ACTG2: variants seen among roughly 807,000 people sequenced by gnomAD.
The protein encoded by ACTG2 is actin, gamma-enteric smooth muscle.
ACTG2 carries 16 observed loss-of-function variants against 37.6 expected under a neutral mutation model. That is an observed-to-expected ratio of 0.43 (90% CI 0.29 to 0.65). The LOEUF is 0.65. Ranked by LOEUF, ACTG2 falls within the 30% of genes least tolerant of loss-of-function variation. ACTG2 has a pLI of 0.18. For missense variants in ACTG2, 238 were observed against 490.9 expected (o/e 0.48, Z 4.87); for synonymous variants, 181 against 179.9 (o/e 1.01, Z -0.05).
intron 1 of ACTG2, among the ~76,000 whole-genome samples, chr2:73,899,315 A>G (rs1002423093): frequency 6.6e-5 from 10 of 152,096 alleles, no homozygotes; most frequent in African/African-American, 1.9e-4. Context: ...AAATTTTTAT[A>G]TCAGCCAGCC....
Position 73,902,498 on chromosome 2 carries a change from G to A in ACTG2, c.255+10G>A. The A allele has an allele frequency of 6.2e-7, 1 of 1,613,918 alleles. No individual in the cohort carries two copies. ...GGATGACATGGAGAAGGTATCTGTA[G>A]ACTTCCCCTTAATGAGCCTGCTTTA... On this transcript the variant is annotated intron_variant, in intron 3 of 8. Transcript: ENST00000345517.
chr2:73,893,620 T>C (rs577875173), intron 1 of ACTG2, among the ~76,000 whole-genome samples: 41 of 152,254 alleles, frequency 2.7e-4, no homozygotes, highest in Non-Finnish European at 5.0e-4. Context: ...TCTAGGATCA[T>C]TGGGGGATGG....
intron 3 of ACTG2, among the ~76,000 whole-genome samples, chr2:73,904,777 G>GTGTGTATATATATATATATATATA (rs1427483105): frequency 4.7e-5 from 2 of 42,604 alleles, no homozygotes; most frequent in Non-Finnish European, 9.5e-5. Context: ...GTGTGTGTGT[G>GTGTGTATATATATATATATATATA]TATATATATA....
At chr2:73,914,558 CAAA>C (rs59417466) in intron 6 of ACTG2, 119 bp from the exon 7 acceptor site, 4,575 of 511,774 alleles carry the variant, frequency 8.9e-3, no homozygotes, top group East Asian at 0.016. Flanking sequence ...GACTCTGTCT[CAAA>C]AAAAAAAAAA....
rs202002293 is a variant in ACTG2, at chr2:73,914,729, C to G, written c.663C>G (p.Ala221=). The change falls in exon 7 of 9, where the codon GCC becomes GCG. Residue 221 remains alanine (A), a synonymous_variant. Coordinates refer to ENST00000345517, the MANE Select transcript of ACTG2 (RefSeq NM_001615.4). The part of the protein sequence containing the change: ...RDIKEKLCYV[A]LDFENEMATA... ...TCAAGGAGAAGCTGTGCTATGTGGC[C>G]CTGGATTTTGAGAATGAGATGGCCA... 9.3e-6 allele frequency: 15 copies of G among 1,610,110 alleles called. No individual in the cohort carries two copies. The highest frequency in any genetic ancestry group is 1.3e-5 in the Non-Finnish European group (15 of 1,178,030).
intron 3 of ACTG2, among the ~76,000 whole-genome samples, chr2:73,905,014 A>G (rs939280179): frequency 1.3e-5 from 2 of 151,798 alleles, no homozygotes; most frequent in African/African-American, 4.8e-5. Flanking sequence ...ATAAAATACA[A>G]TATAAATTAT....
At chr2:73,901,518 G>T in intron 2 of ACTG2, 81 bp downstream of exon 2, 1 of 1,428,434 alleles carries the variant, frequency 7.0e-7, no homozygotes, top group South Asian at 1.3e-5. Flanking sequence ...TGAGCTGGGG[G>T]TTAGGGGAAG....
In ACTG2 at chr2:73,899,468, T is replaced by A. The variant is rs188887883; in HGVS notation, c.-36-1808T>A. Among the ~76,000 whole-genome samples the A allele has an allele frequency of 2.7e-3, 408 of 151,518 alleles. 2 individuals are homozygous for A. Among genetic ancestry groups the A allele is most frequent in the African/African-American group, 7.5e-3 (309 of 41,360 alleles). On this transcript the variant is annotated intron_variant, in intron 1 of 8. Transcript: ENST00000345517. The stretch of plus-strand genomic sequence containing the variant: ...CAGAGCAAGACCCCATCTCAAAAAA[T>A]ATATATATATATATCTTCTGATTCA...
At chr2:73,894,441 C>T (rs962708024) in intron 1 of ACTG2, among the ~76,000 whole-genome samples, 6 of 152,276 alleles carry the variant, frequency 3.9e-5, no homozygotes, top group South Asian at 4.1e-4. Flanking sequence ...GGGGATGGGC[C>T]GTGTGACATC....
intron 5 of ACTG2, among the ~76,000 whole-genome samples, chr2:73,911,284 C>G (rs768614623): frequency 7.2e-5 from 11 of 152,068 alleles, no homozygotes; most frequent in Non-Finnish European, 1.6e-4. Flanking sequence ...TCTTTGAGCT[C>G]AGGAGTTCAA....
At chr2:73,916,490 A>T in intron 7 of ACTG2, 94 bp from the exon 8 acceptor site, 1 of 818,232 alleles carries the variant, frequency 1.2e-6, no homozygotes, top group Non-Finnish European at 1.9e-6. Context: ...GAACTAGGGT[A>T]GTTGCAACAA....
At chr2:73,908,979 A>T (rs1342496430) in intron 4 of ACTG2, 76 bp from the exon 5 acceptor site, 31 of 1,449,628 alleles carry the variant, frequency 2.1e-5, no homozygotes, top group Non-Finnish European at 2.9e-5. Context: ...CCTTAATGAG[A>T]TTACAAACCA....
Position 73,914,703 on chromosome 2 carries a change from A to G in ACTG2, c.637A>G (p.Ile213Val), listed in dbSNP as rs1680222670. The G allele has an allele frequency of 6.3e-7, 1 of 1,599,912 alleles. No homozygotes were observed. Among genetic ancestry groups the G allele is most frequent in the Non-Finnish European group, 8.5e-7 (1 of 1,172,682 alleles). ...TTAEREIVRDIKEKLCYVALD... is the reference protein window; with the variant it reads ...TTAEREIVRDVKEKLCYVALD... ...AGCTGAGAGAGAAATTGTGCGAGACATCAAGGAGAAGCTGTGCTATGTGGC... is the reference window on the plus strand; with the variant it reads ...AGCTGAGAGAGAAATTGTGCGAGACGTCAAGGAGAAGCTGTGCTATGTGGC... Residue 213 changes from isoleucine to valine, a missense_variant, in exon 7 of 9, where the codon ATC (isoleucine) becomes GTC (valine). Physicochemically the swap from Ile to Val is conservative, Grantham distance 29 (BLOSUM62 3). Coordinates refer to ENST00000345517, the MANE Select transcript of ACTG2 (RefSeq NM_001615.4).
chr2:73,913,457 T>G (rs772292907), intron 5 of ACTG2, 28 bp from the exon 6 acceptor site: 1 of 1,550,806 alleles, frequency 6.4e-7, no homozygotes, highest in African/African-American at 1.4e-5. Flanking sequence ...AATGAGAATT[T>G]TATAAGCCTG....
chr2:73,916,912 C>G (rs980854503), intron 8 of ACTG2, 147 bp downstream of exon 8: 1 of 947,284 alleles, frequency 1.1e-6, no homozygotes, highest in Non-Finnish European at 1.5e-6. Flanking sequence ...TTTTATCCTA[C>G]GGAATTATGT....
At chr2:73,909,220 A>G in intron 5 of ACTG2, 81 bp downstream of exon 5, 1 of 1,301,380 alleles carries the variant, frequency 7.7e-7, no homozygotes, top group Non-Finnish European at 1.1e-6. Context: ...GCTCCTGCTC[A>G]GAAGAATCAA....
At chr2:73,900,492 G>A (rs769488505) in intron 1 of ACTG2, among the ~76,000 whole-genome samples, 28 of 152,324 alleles carry the variant, frequency 1.8e-4, no homozygotes, top group Non-Finnish European at 3.4e-4. Context: ...ATCCCAGTTC[G>A]GATCTCAGCA....
intron 3 of ACTG2, among the ~76,000 whole-genome samples, chr2:73,907,077 C>A (rs1680032385): frequency 6.6e-6 from 1 of 152,218 alleles, no homozygotes; most frequent in African/African-American, 2.4e-5. Flanking sequence ...TTGCAGCAGC[C>A]TCTGGAGACC....
chr2:73,907,527 G>A (rs888705203), intron 3 of ACTG2, among the ~76,000 whole-genome samples: 3 of 152,162 alleles, frequency 2.0e-5, no homozygotes, highest in Admixed American at 1.3e-4. Flanking sequence ...TGTTGCCCAG[G>A]CTGGAGTGCA....
Sources: gnomAD v4.1 joint callset for allele counts (sites outside exome capture counted in the v4.1 genomes callset) on GRCh38, gnomAD v4.1.1 for gene constraint, MANE v1.5 for transcripts, NCBI Gene and HGNC (gene_info 2026-07-23, HGNC 2026-07-21) for gene names.